The following PARN variants were observed in gnomAD, a reference collection of about 807,000 sequenced individuals.
The protein encoded by PARN is poly(A)-specific ribonuclease PARN.
PARN carries 71 observed loss-of-function variants against 102.8 expected under a neutral mutation model. That is an observed-to-expected ratio of 0.69 (90% CI 0.57 to 0.84). The LOEUF (loss-of-function observed/expected upper bound fraction) is 0.84. Among genes scored for constraint, PARN ranks in the 40% least tolerant of loss-of-function variants. The pLI is 0.00. For missense variants in PARN, 782 were observed against 760.9 expected (o/e 1.03, Z -0.33); for synonymous variants, 261 against 252.9 (o/e 1.03, Z -0.30).
At chr16:14,523,317 T>G (rs928796518) in intron 21 of PARN, among the ~76,000 whole-genome samples, 1 of 150,688 alleles carries the variant, frequency 6.6e-6, no homozygotes, top group African/African-American at 2.5e-5. Context: ...CAAACAAAAA[T>G]AATTAGTAAA....
chr16:14,466,096 T>C (rs1962331235), intron 22 of PARN, among the ~76,000 whole-genome samples: 1 of 152,146 alleles, frequency 6.6e-6, no homozygotes, highest in Non-Finnish European at 1.5e-5. Flanking sequence ...ACTTCTGTGA[T>C]ACAAATTTAC....
chr16:14,504,563 A>G (rs530913774), intron 21 of PARN, among the ~76,000 whole-genome samples: 1 of 152,148 alleles, frequency 6.6e-6, no homozygotes, highest in African/African-American at 2.4e-5. Flanking sequence ...CGTCTCAAAA[A>G]ATAAATAAAT....
Position 14,454,646 on chromosome 16 carries a change from T to C in PARN, c.1671-7565A>G, listed in dbSNP as rs80235368. ...TGGCATAGTTACCCAGTTGTTTCAG[T>C]ACTGTATGTAGACAAAGCCTTCCTT... is the stretch of plus-strand genomic sequence containing the variant. On this transcript the variant is annotated intron_variant, in intron 22 of 23. Coordinates refer to ENST00000437198, the MANE Select transcript of PARN (RefSeq NM_002582.4). Among the ~76,000 whole-genome samples the C allele has an allele frequency of 2.5e-3, 385 of 152,352 alleles. 4 individuals are homozygous for C. Among genetic ancestry groups the C allele is most frequent in the Middle Eastern group, 0.01 (3 of 294 alleles).
intron 5 of PARN, 97 bp downstream of exon 5, chr16:14,627,009 A>G: frequency 2.8e-6 from 2 of 726,230 alleles, no homozygotes; most frequent in Middle Eastern, 5.4e-4. Flanking sequence ...GATTTGCCCC[A>G]AAGCCCAAAG....
intron 22 of PARN, among the ~76,000 whole-genome samples, chr16:14,465,587 A>G (rs563935126): frequency 2.6e-5 from 4 of 152,354 alleles, no homozygotes; most frequent in Admixed American, 2.6e-4. Context: ...ATAGGTTAAA[A>G]GAAAATATTA....
intron 12 of PARN, among the ~76,000 whole-genome samples, chr16:14,595,785 C>T (rs573393579): frequency 2.8e-4 from 42 of 152,166 alleles, no homozygotes; most frequent in Non-Finnish European, 5.4e-4. Flanking sequence ...CCCGCCTTGG[C>T]CTCTCAAAGT....
chr16:14,590,276 A>G (rs1341555295), intron 13 of PARN, among the ~76,000 whole-genome samples: 5 of 144,080 alleles, frequency 3.5e-5, no homozygotes, highest in Non-Finnish European at 3.0e-5. Flanking sequence ...AGAGAAGAGA[A>G]AAAAAAAAAA....
At chr16:14,572,045 T>G (rs1042000173) in intron 18 of PARN, among the ~76,000 whole-genome samples, 3 of 152,204 alleles carry the variant, frequency 2.0e-5, no homozygotes, top group Non-Finnish European at 4.4e-5. Context: ...CATGTTTATG[T>G]TGGGAAGCTG....
intron 1 of PARN, 53 bp from the exon 2 acceptor site, chr16:14,629,727 G>A: frequency 7.3e-7 from 1 of 1,366,454 alleles, no homozygotes; most frequent in Non-Finnish European, 1.0e-6. Flanking sequence ...TTCCTGCTAA[G>A]GGGAGAGGGA....
At chr16:14,555,103 T>C (rs868483790) in intron 19 of PARN, among the ~76,000 whole-genome samples, 7 of 152,304 alleles carry the variant, frequency 4.6e-5, no homozygotes, top group South Asian at 4.1e-4. Context: ...CAACAATTAT[T>C]GTCACCAAGT....
intron 21 of PARN, among the ~76,000 whole-genome samples, chr16:14,513,814 C>A (rs1188423823): frequency 1.3e-5 from 2 of 152,204 alleles, no homozygotes; most frequent in African/African-American, 4.8e-5. Flanking sequence ...CTGACTGCCG[C>A]AGACGAGGTC....
At chr16:14,624,113 C>T (rs1185555910) in intron 5 of PARN, among the ~76,000 whole-genome samples, 1 of 152,154 alleles carries the variant, frequency 6.6e-6, no homozygotes, top group Non-Finnish European at 1.5e-5. Flanking sequence ...ATGGGAGCAT[C>T]TCACTGCGCA....
At chr16:14,563,522 G>GTATATATATA (rs1555499416) in intron 18 of PARN, among the ~76,000 whole-genome samples, 14 of 149,146 alleles carry the variant, frequency 9.4e-5, no homozygotes, top group African/African-American at 2.7e-4. Flanking sequence ...GTGTGTGTGT[G>GTATATATATA]TATATAATTC....
rs144438886 is a variant in PARN, at chr16:14,599,135, C to T, written c.840+769G>A. Among the ~76,000 whole-genome samples, 25 of 150,696 alleles carry T rather than the reference C, an allele frequency of 1.7e-4. No individual in the cohort carries two copies. The East Asian group carries it at 4.3e-3, about 26-fold the overall frequency. ...ACAGCTCACTGCAGCCTTGACTTCC[C>T]GAGCTCCAGCGATCCTCCCACCTCA... On this transcript the variant is annotated intron_variant, in intron 12 of 23. Coordinates refer to ENST00000437198, the MANE Select transcript of PARN (RefSeq NM_002582.4).
intron 21 of PARN, 109 bp from the exon 22 acceptor site, chr16:14,482,936 T>G: frequency 1.2e-6 from 1 of 854,742 alleles, no homozygotes; most frequent in Non-Finnish European, 1.7e-6. Context: ...CCATCAGGCC[T>G]GAGGTCTGAC....
intron 3 of PARN, among the ~76,000 whole-genome samples, chr16:14,627,845 A>C (rs1259010888): frequency 6.6e-6 from 1 of 152,162 alleles, no homozygotes; most frequent in African/African-American, 2.4e-5. Context: ...TAAAAATTAA[A>C]AAAAATAATA....
At chr16:14,439,662 T>C (rs1484814288) in intron 23 of PARN, among the ~76,000 whole-genome samples, 1 of 152,024 alleles carries the variant, frequency 6.6e-6, no homozygotes, top group Non-Finnish European at 1.5e-5. Flanking sequence ...AGGGGAAAAA[T>C]CTGATAAACT....
chr16:14,545,428 A>G (rs918348135), intron 21 of PARN, among the ~76,000 whole-genome samples: 1 of 152,264 alleles, frequency 6.6e-6, no homozygotes, highest in Non-Finnish European at 1.5e-5. Flanking sequence ...ACATTTCTAA[A>G]TAATCCAGGA....
chr16:14,527,619 T>C (rs1966077258), intron 21 of PARN, among the ~76,000 whole-genome samples: 1 of 152,214 alleles, frequency 6.6e-6, no homozygotes, highest in African/African-American at 2.4e-5. Context: ...TGTGTTTCTG[T>C]TTAAAGACAT....
Sources: allele counts gnomAD v4.1 joint callset (sites outside exome capture counted in the v4.1 genomes callset), GRCh38; gene constraint gnomAD v4.1.1; transcripts MANE v1.5; gene names NCBI Gene and HGNC (gene_info 2026-07-23, HGNC 2026-07-21).